SF3B1: variants seen among roughly 807,000 people sequenced by gnomAD.
SF3B1 encodes splicing factor 3b subunit 1.
SF3B1 carries 12 observed loss-of-function variants against 153.8 expected under a neutral mutation model. The ratio of observed to expected loss-of-function variants is 0.08; its 90% CI spans 0.05 to 0.13. SF3B1 has a LOEUF of 0.13. Among genes scored for constraint, SF3B1 ranks in the 10% least tolerant of loss-of-function variants. The probability of loss-of-function intolerance (pLI) is 1.00; values close to 1 mark genes in which losing one functional copy is unlikely to be tolerated. For missense variants in SF3B1, 513 were observed against 1,606.1 expected (o/e 0.32, Z 11.63); for synonymous variants, 498 against 525.2 (o/e 0.95, Z 0.71).
chr2:197,409,573 C>T (rs576276038), intron 7 of SF3B1, among the ~76,000 whole-genome samples, 197 bp downstream of exon 7: 1 of 152,246 alleles, frequency 6.6e-6, no homozygotes, highest in South Asian at 2.1e-4. Flanking sequence ...TTACTTTTAC[C>T]TAAGGTTCTT....
At chr2:197,425,851 T>C (rs1426185910) in intron 1 of SF3B1, among the ~76,000 whole-genome samples, 1 of 151,744 alleles carries the variant, frequency 6.6e-6, no homozygotes, top group Non-Finnish European at 1.5e-5. Context: ...AATACTAAAA[T>C]TAGCCAGGTA....
chr2:197,425,830 T>C (rs1377035969), intron 1 of SF3B1, among the ~76,000 whole-genome samples: 1 of 151,776 alleles, frequency 6.6e-6, no homozygotes, highest in Non-Finnish European at 1.5e-5. Context: ...CAAAACCCTA[T>C]CTCTACAAAA....
At chr2:197,398,266 A>G in intron 21 of SF3B1, 150 bp from the exon 22 acceptor site, 2 of 850,590 alleles carry the variant, frequency 2.4e-6, no homozygotes, top group Non-Finnish European at 3.7e-6. Context: ...AGTTAGTCTT[A>G]CAGGTTTAGT....
Position 197,429,107 on chromosome 2 carries a change from T to G in SF3B1, c.29-5133A>C, listed in dbSNP as rs556401991. Among the ~76,000 whole-genome samples, 42 of 152,288 alleles carry G rather than the reference T, an allele frequency of 2.8e-4. No individual in the cohort carries two copies. The South Asian group carries it at 7.0e-3, about 26-fold the overall frequency. The stretch of plus-strand genomic sequence containing the variant: ...GCTAATAATCTCTTCCAACTTCAAT[T>G]ATGACCAAAATGAACAAATCCTGTT... On this transcript the variant is annotated intron_variant, in intron 1 of 24. Coordinates refer to ENST00000335508, the MANE Select transcript of SF3B1 (RefSeq NM_012433.4).
At chr2:197,418,004 G>C (rs1436055109) in intron 5 of SF3B1, among the ~76,000 whole-genome samples, 1 of 151,686 alleles carries the variant, frequency 6.6e-6, no homozygotes, top group Admixed American at 6.6e-5. Flanking sequence ...GGCAGGCCGA[G>C]ACAGGCAGAT....
Position 197,419,056 on chromosome 2 carries a change from CTAGAT to C in SF3B1, c.416-473_416-469del, listed in dbSNP as rs2085199223. On this transcript the variant is annotated intron_variant, in intron 4 of 24. Transcript: ENST00000335508. ...AAATCCTGACTACAAATAACTATGA[CTAGAT>C]AAGTTCTTCATACAGTGTTCTAAAA... 4 of 862,906 alleles carry C rather than the reference CTAGAT, an allele frequency of 4.6e-6. No homozygotes were observed. In the South Asian group the frequency reaches 6.1e-5, roughly 13 times the overall value. The allele number at this position is 862,906 out of a possible 1,614,324, so 53.5% of individuals were successfully genotyped here. A position where few individuals can be genotyped will look rare whatever the true frequency, so the allele number is the denominator to read the frequency against.
intron 4 of SF3B1, 171 bp from the exon 5 acceptor site, chr2:197,418,759 T>C (rs2085194924): frequency 6.8e-7 from 1 of 1,460,352 alleles, no homozygotes; most frequent in Non-Finnish European, 9.0e-7. Context: ...AGTTTGCTGA[T>C]CAATTTAACC....
At chr2:197,407,498 G>A (rs947826718) in intron 9 of SF3B1, among the ~76,000 whole-genome samples, 2 of 151,818 alleles carry the variant, frequency 1.3e-5, no homozygotes, top group African/African-American at 4.8e-5. Flanking sequence ...CCAGGTACCT[G>A]GGAAACTCAG....
intron 1 of SF3B1, among the ~76,000 whole-genome samples, chr2:197,425,836 C>CA (rs1293963017): frequency 6.6e-6 from 1 of 151,828 alleles, no homozygotes; most frequent in East Asian, 1.9e-4. Flanking sequence ...CCTATCTCTA[C>CA]AAAAAATACT....
At chr2:197,433,493 T>G (rs1447548969) in intron 1 of SF3B1, among the ~76,000 whole-genome samples, 1 of 152,216 alleles carries the variant, frequency 6.6e-6, no homozygotes, top group African/African-American at 2.4e-5. Flanking sequence ...AACTTTATAT[T>G]TTCTACTTAC....
intron 24 of SF3B1, 120 bp from the exon 25 acceptor site, chr2:197,392,581 GA>G: frequency 3.7e-6 from 1 of 273,286 alleles, no homozygotes; most frequent in Non-Finnish European, 6.8e-6. Flanking sequence ...GGGGGGGGGG[GA>G]ACCTACTAAT....
At chr2:197,416,525 C>T (rs2085151114) in intron 6 of SF3B1, 1 of 454,986 alleles carries the variant, frequency 2.2e-6, no homozygotes, top group African/African-American at 2.0e-5. Flanking sequence ...AGAGAAAGGC[C>T]ATGTGAGGAC....
At chr2:197,418,263 A>AAAAAAAAAAAAAAAAAAC (rs2085186031) in intron 5 of SF3B1, among the ~76,000 whole-genome samples, 1 of 143,198 alleles carries the variant, frequency 7.0e-6, no homozygotes, top group Non-Finnish European at 1.5e-5. Flanking sequence ...AAAAAAAAAA[A>AAAAAAAAAAAAAAAAAAC]ATCCCTTGTG....
chr2:197,398,945 A>G, intron 20 of SF3B1: 1 of 802,664 alleles, frequency 1.2e-6, no homozygotes, highest in South Asian at 1.4e-5. Flanking sequence ...ATAAAGCAAA[A>G]ATTTCCAGAA....
intron 5 of SF3B1, among the ~76,000 whole-genome samples, chr2:197,417,269 G>C (rs2085161904): frequency 6.6e-6 from 1 of 152,072 alleles, no homozygotes; most frequent in African/African-American, 2.4e-5. Flanking sequence ...TATGGAACAA[G>C]ATAGAAAAAT....
At chr2:197,419,047 T>C in intron 4 of SF3B1, 1 of 918,872 alleles carries the variant, frequency 1.1e-6, no homozygotes, top group South Asian at 1.5e-5. Context: ...TGACTACAAA[T>C]AACTATGACT....
intron 1 of SF3B1, 71 bp from the exon 2 acceptor site, chr2:197,424,045 A>G: frequency 7.9e-7 from 1 of 1,260,006 alleles, no homozygotes; most frequent in South Asian, 1.3e-5. Flanking sequence ...GCATTTCTTT[A>G]CTAGGTAATT....
chr2:197,413,264 G>A (rs1300902730), intron 6 of SF3B1, among the ~76,000 whole-genome samples: 2 of 152,110 alleles, frequency 1.3e-5, no homozygotes, highest in African/African-American at 4.8e-5. Flanking sequence ...AGCTGGGCGT[G>A]ATGGCACATG....
At chr2:197,415,104 G>A (rs1384366343) in intron 6 of SF3B1, among the ~76,000 whole-genome samples, 1 of 150,678 alleles carries the variant, frequency 6.6e-6, no homozygotes, top group African/African-American at 2.4e-5. Flanking sequence ...GTTTTCTGCA[G>A]GTTTTTTGTT....
Sources: gnomAD v4.1 joint callset for allele counts (sites outside exome capture counted in the v4.1 genomes callset) on GRCh38, gnomAD v4.1.1 for gene constraint, MANE v1.5 for transcripts, NCBI Gene and HGNC (gene_info 2026-07-23, HGNC 2026-07-21) for gene names.